SLC39A11: variants seen among roughly 807,000 people sequenced by gnomAD.
The protein encoded by SLC39A11 is zinc transporter ZIP11.
Under a neutral mutation model 36.1 loss-of-function variants are expected in SLC39A11, and 33 were observed. The observed-to-expected ratio is 0.91, with a 90% CI of 0.69 to 1.22. The LOEUF (loss-of-function observed/expected upper bound fraction) is 1.22, where lower values mean the gene tolerates loss of function less well. Ranked by LOEUF, SLC39A11 falls within the 50% of genes most tolerant of loss-of-function variation. The pLI is 0.00. For missense variants in SLC39A11, 432 were observed against 430.3 expected (o/e 1.00, Z -0.03); for synonymous variants, 166 against 170.3 (o/e 0.97, Z 0.20).
chr17:73,089,500 A>C (rs1337132866), intron 1 of SLC39A11, among the ~76,000 whole-genome samples: 1 of 152,122 alleles, frequency 6.6e-6, no homozygotes, highest in East Asian at 1.9e-4. Context: ...TGCAGCCCAC[A>C]TAATGCCAAC....
intron 6 of SLC39A11, among the ~76,000 whole-genome samples, chr17:72,835,432 C>A (rs1362748963): frequency 6.6e-6 from 1 of 152,076 alleles, no homozygotes; most frequent in Non-Finnish European, 1.5e-5. Context: ...TAATGTTTTC[C>A]AGGTCCTGCT....
At chr17:72,740,920 G>A (rs1006124893) in intron 6 of SLC39A11, among the ~76,000 whole-genome samples, 32 of 151,256 alleles carry the variant, frequency 2.1e-4, no homozygotes, top group African/African-American at 6.1e-4. Context: ...GATTACAGGC[G>A]TGCACCACCA....
chr17:72,836,861 G>A (rs541644857), intron 6 of SLC39A11, among the ~76,000 whole-genome samples: 6 of 152,180 alleles, frequency 3.9e-5, no homozygotes, highest in East Asian at 3.9e-4. Flanking sequence ...CTGAGTCGCC[G>A]GCTACTGAGA....
intron 4 of SLC39A11, among the ~76,000 whole-genome samples, chr17:72,984,182 C>T (rs1404578743): frequency 1.3e-5 from 2 of 152,148 alleles, no homozygotes; most frequent in Non-Finnish European, 2.9e-5. Context: ...AAACCCAGCT[C>T]TTGCCCCTGT....
chr17:72,919,270 A>G (rs2083503767), intron 5 of SLC39A11, among the ~76,000 whole-genome samples: 1 of 152,050 alleles, frequency 6.6e-6, no homozygotes, highest in Non-Finnish European at 1.5e-5. Flanking sequence ...TAATAATAAT[A>G]ATAATAAAGC....
intron 5 of SLC39A11, among the ~76,000 whole-genome samples, chr17:72,911,425 A>G (rs1364164951): frequency 6.6e-6 from 1 of 152,122 alleles, no homozygotes; most frequent in Non-Finnish European, 1.5e-5. Context: ...ATTTAAAAAA[A>G]AAAAACTTTA....
intron 7 of SLC39A11, among the ~76,000 whole-genome samples, chr17:72,679,479 G>A (rs1290002569): frequency 6.6e-6 from 1 of 152,186 alleles, no homozygotes; most frequent in Non-Finnish European, 1.5e-5. Flanking sequence ...CACAGAGAAA[G>A]GCACTAACCC....
At chr17:72,733,886 T>C (rs1380874302) in intron 7 of SLC39A11, among the ~76,000 whole-genome samples, 2 of 152,126 alleles carry the variant, frequency 1.3e-5, no homozygotes, top group Non-Finnish European at 2.9e-5. Context: ...TTCTCTGGAC[T>C]CTACACACAA....
chr17:72,953,862 T>C lies in SLC39A11; in HGVS notation c.307-5987A>G, dbSNP rs1001266005. On this transcript the variant is annotated intron_variant, in intron 4 of 9. Transcript: ENST00000255559. ...CTGAGGATGGCAAAACAAAGCAACC[T>C]GTGATGATTGTCAGCGTCTGGGAGG... is the stretch of plus-strand genomic sequence containing the variant. Among the ~76,000 whole-genome samples, 7 of 152,278 alleles carry C rather than the reference T, an allele frequency of 4.6e-5. No homozygotes were observed. The South Asian group carries it at 1.4e-3, about 32-fold the overall frequency.
At chr17:72,948,069 T>G (rs2085550060) in intron 4 of SLC39A11, among the ~76,000 whole-genome samples, 194 bp from the exon 5 acceptor site, 1 of 152,158 alleles carries the variant, frequency 6.6e-6, no homozygotes, top group Non-Finnish European at 1.5e-5. Context: ...GGTATAGGAC[T>G]TTAGTGGTTA....
chr17:72,659,544 C>CTA (rs1416756969), intron 7 of SLC39A11, among the ~76,000 whole-genome samples: 2 of 148,326 alleles, frequency 1.3e-5, no homozygotes, highest in Non-Finnish European at 3.0e-5. Context: ...GAGCCAAGGC[C>CTA]TATCTCTCTT....
intron 3 of SLC39A11, among the ~76,000 whole-genome samples, chr17:73,041,854 G>A (rs1018163400): frequency 2.6e-5 from 4 of 152,148 alleles, no homozygotes; most frequent in Non-Finnish European, 4.4e-5. Flanking sequence ...TAGTCCCTGA[G>A]AACAAAATCC....
At chr17:72,838,048 C>T in intron 6 of SLC39A11, 2 of 1,178,136 alleles carry the variant, frequency 1.7e-6, no homozygotes, top group Non-Finnish European at 2.1e-6. Flanking sequence ...CTATGGGAGG[C>T]TGAAGCAGGA....
At chr17:73,080,697 C>A (rs2060479520) in intron 3 of SLC39A11, among the ~76,000 whole-genome samples, 1 of 152,174 alleles carries the variant, frequency 6.6e-6, no homozygotes, top group Non-Finnish European at 1.5e-5. Context: ...GTGGTCCCAG[C>A]ACTCTGGGAG....
intron 6 of SLC39A11, among the ~76,000 whole-genome samples, chr17:72,747,642 C>T (rs1477198960): frequency 3.9e-5 from 6 of 152,214 alleles, no homozygotes; most frequent in African/African-American, 1.4e-4. Flanking sequence ...CTGCTGTCTT[C>T]ATTCTCACTC....
At chr17:73,081,917 C>T (rs2060549805) in intron 3 of SLC39A11, among the ~76,000 whole-genome samples, 1 of 150,736 alleles carries the variant, frequency 6.6e-6, no homozygotes, top group Admixed American at 6.6e-5. Context: ...GGGAGCTAAG[C>T]TAGGCATAAG....
chr17:72,951,357 C>T (rs950428827), intron 4 of SLC39A11, among the ~76,000 whole-genome samples: 1 of 151,708 alleles, frequency 6.6e-6, no homozygotes, highest in East Asian at 1.9e-4. Context: ...GACGCCATAG[C>T]TCCCTGTAAT....
chr17:72,649,730 A>G (rs1598213886), intron 7 of SLC39A11, among the ~76,000 whole-genome samples: 1 of 137,186 alleles, frequency 7.3e-6, no homozygotes, highest in Non-Finnish European at 1.5e-5. Context: ...TGCAACCTCC[A>G]CCTCCCGGGT....
At chr17:73,003,947 A>C (rs149928051) in intron 4 of SLC39A11, among the ~76,000 whole-genome samples, 3 of 151,824 alleles carry the variant, frequency 2.0e-5, no homozygotes. Flanking sequence ...TTAGCTGGGC[A>C]TGGTGGTGCA....
Sources: allele counts gnomAD v4.1 joint callset (sites outside exome capture counted in the v4.1 genomes callset), GRCh38; gene constraint gnomAD v4.1.1; transcripts MANE v1.5; gene names NCBI Gene and HGNC (gene_info 2026-07-23, HGNC 2026-07-21).